ADD3: variants seen among roughly 807,000 people sequenced by gnomAD.
ADD3 encodes the protein gamma-adducin.
In ADD3, 25 loss-of-function variants were observed where a neutral mutation model predicts 80.2. That is an observed-to-expected ratio of 0.31 (90% CI 0.23 to 0.44). The LOEUF (loss-of-function observed/expected upper bound fraction) is 0.44, where lower values mean the gene tolerates loss of function less well. Among genes scored for constraint, ADD3 ranks in the 20% least tolerant of loss-of-function variants. The probability of loss-of-function intolerance (pLI) is 1.00; values close to 1 mark genes in which losing one functional copy is unlikely to be tolerated. For missense variants in ADD3, 829 were observed against 847.5 expected (o/e 0.98, Z 0.27); for synonymous variants, 284 against 289.6 (o/e 0.98, Z 0.20).
chr10:110,001,899 T>C (rs1851493404), upstream of ADD3, among the ~76,000 whole-genome samples: 3 of 152,374 alleles, frequency 2.0e-5, no homozygotes, highest in South Asian at 4.1e-4. Context: ...TGAAGGCATA[T>C]GACTATGTGA....
At chr10:110,040,927 TCG>T (rs1491075118) in intron 1 of ADD3, among the ~76,000 whole-genome samples, 2 of 134,108 alleles carry the variant, frequency 1.5e-5, no homozygotes, top group Admixed American at 8.2e-5. Context: ...TCTCTCTCTC[TCG>T]CTCTCTCTCT....
At position 110,045,353 on chromosome 10, in the gene ADD3, C is replaced by CAA. The variant is rs772764388; in HGVS notation, c.-30+37064_-30+37065dup. On this transcript the variant is annotated intron_variant, in intron 1 of 14. Transcript: ENST00000356080. ...TGGGTAACACAGCAAGACTCTGTCT[C>CAA]AAAAAAAAAAAGAGAAAGTACCTAT... Among the ~76,000 whole-genome samples, 390 of 142,066 alleles carry CAA rather than the reference C, an allele frequency of 2.7e-3. 1 individual carries two copies. Among genetic ancestry groups the CAA allele is most frequent in the Middle Eastern group, 0.011 (3 of 276 alleles). 93.2% of individuals were successfully genotyped at this position (142,066 alleles called of 152,430 possible). A position where few individuals can be genotyped will look rare whatever the true frequency, so the allele number is the denominator to read the frequency against.
At chr10:110,096,837 C>T (rs59911409) in intron 1 of ADD3, among the ~76,000 whole-genome samples, 13,616 of 152,094 alleles carry the variant, frequency 0.09, 1,993 homozygotes, top group African/African-American at 0.31. Context: ...TTCTTGAGGC[C>T]GTCTTTGAAA....
intron 1 of ADD3, among the ~76,000 whole-genome samples, chr10:110,041,527 C>T (rs778049447): frequency 1.1e-4 from 16 of 152,218 alleles, no homozygotes; most frequent in African/African-American, 2.2e-4. Flanking sequence ...ATCTGTAAAA[C>T]GAAAGGGTTG....
chr10:110,045,259 CAGA>C (rs1444391185), intron 1 of ADD3, among the ~76,000 whole-genome samples: 1 of 152,062 alleles, frequency 6.6e-6, no homozygotes, highest in East Asian at 1.9e-4. Flanking sequence ...GAGGCTAAGG[CAGA>C]AGAATTGCTT....
At chr10:110,028,878 T>G in intron 1 of ADD3, among the ~76,000 whole-genome samples, 1 of 150,048 alleles carries the variant, frequency 6.7e-6, no homozygotes, top group East Asian at 1.9e-4. Context: ...ATTCATCACT[T>G]TCCTTTTTTT....
At chr10:110,099,359 T>C (rs1185144591) in intron 1 of ADD3, among the ~76,000 whole-genome samples, 1 of 152,154 alleles carries the variant, frequency 6.6e-6, no homozygotes, top group Admixed American at 6.5e-5. Flanking sequence ...TACTCTCCTC[T>C]CTAGCATATA....
chr10:110,038,017 C>T (rs967346970), intron 1 of ADD3, among the ~76,000 whole-genome samples: 1 of 138,622 alleles, frequency 7.2e-6, no homozygotes, highest in African/African-American at 2.7e-5. Flanking sequence ...TGTGGTGAGC[C>T]GAAATGGTGC....
chr10:110,083,623 G>T (rs1846345565), intron 1 of ADD3, among the ~76,000 whole-genome samples: 1 of 152,152 alleles, frequency 6.6e-6, no homozygotes, highest in South Asian at 2.1e-4. Context: ...AATAGGGATG[G>T]ACTTTGAAGT....
At chr10:110,043,983 C>T (rs766476802) in intron 1 of ADD3, among the ~76,000 whole-genome samples, 6 of 151,908 alleles carry the variant, frequency 3.9e-5, no homozygotes, top group Non-Finnish European at 7.4e-5. Context: ...CTGAGGTGGG[C>T]GGATCACGAG....
chr10:110,047,544 A>T (rs564361916), intron 1 of ADD3, among the ~76,000 whole-genome samples: 1 of 152,224 alleles, frequency 6.6e-6, no homozygotes, highest in Non-Finnish European at 1.5e-5. Context: ...TAATTTTTTA[A>T]TGTATCCCTG....
intron 5 of ADD3, among the ~76,000 whole-genome samples, 172 bp from the exon 6 acceptor site, chr10:110,118,415 T>C (rs950205046): frequency 6.6e-6 from 1 of 152,244 alleles, no homozygotes; most frequent in African/African-American, 2.4e-5. Context: ...TGTTTATGGC[T>C]GCTTTTGTAC....
chr10:110,119,513 A>T lies in ADD3; in HGVS notation c.909A>T (p.Leu303Phe). 1 of 1,614,176 alleles carries T rather than the reference A, an allele frequency of 6.2e-7. No individual in the cohort carries two copies. Among genetic ancestry groups the T allele is most frequent in the African/African-American group, 1.3e-5 (1 of 75,074 alleles). The change falls in exon 8 of 15, where the codon TTA becomes TTT. Residue 303 changes from leucine to phenylalanine, a missense_variant. Physicochemically the swap from Leu to Phe is conservative, Grantham distance 22 (BLOSUM62 0). Coordinates refer to ENST00000356080, the MANE Select transcript of ADD3 (RefSeq NM_016824.5). ...NHGVVALGET[L>F]EEAFHYIFNV... ...GTGTGGTTGCACTTGGAGAAACATT[A>T]GAGGAGGCTTTTCATTATATTTTTA...
chr10:110,076,058 G>A (rs957021319), intron 1 of ADD3, among the ~76,000 whole-genome samples: 1 of 152,084 alleles, frequency 6.6e-6, no homozygotes, highest in African/African-American at 2.4e-5. Context: ...TATTTTCCTG[G>A]TGTTCTCTCA....
chr10:110,121,991 A>G lies in ADD3; in HGVS notation c.961-119A>G, dbSNP rs1027605988. On this transcript the variant is annotated intron_variant, in intron 8 of 14. Coordinates refer to ENST00000356080, the MANE Select transcript of ADD3 (RefSeq NM_016824.5). ...AGAGTGTCATCTTGTCTTTGTTGTT[A>G]GTAGCCTGAGCAAGTATTATAGATA... is the stretch of plus-strand genomic sequence containing the variant. 3.9e-6 allele frequency: 3 copies of G among 772,058 alleles called. No homozygotes were observed. In the African/African-American group the frequency reaches 5.3e-5, roughly 14 times the overall value. 47.8% of individuals were successfully genotyped at this position (772,058 alleles called of 1,614,324 possible).
In ADD3 at chr10:110,068,748, C is replaced by CA. The variant is rs1247203760; in HGVS notation, c.-29-31876dup. ...TGAATTCATTAGTATAAAGTACTTACAGCCCTTGCTTTATATAAAGTATAT... is the reference window on the plus strand; with the variant it reads ...TGAATTCATTAGTATAAAGTACTTACAAGCCCTTGCTTTATATAAAGTATAT... On this transcript the variant is annotated intron_variant, in intron 1 of 14. Coordinates refer to ENST00000356080, the MANE Select transcript of ADD3 (RefSeq NM_016824.5). Among the ~76,000 whole-genome samples the CA allele has an allele frequency of 3.3e-5, 5 of 152,294 alleles. No individual in the cohort carries two copies. The South Asian group carries it at 1.0e-3, about 32-fold the overall frequency.
intron 2 of ADD3, among the ~76,000 whole-genome samples, chr10:110,101,958 A>G (rs1848860527): frequency 6.6e-6 from 1 of 152,196 alleles, no homozygotes. Flanking sequence ...AGCCCTGGTA[A>G]ATCATTTTTG....
chr10:110,121,539 T>A (rs1851501379), intron 8 of ADD3, among the ~76,000 whole-genome samples: 1 of 152,110 alleles, frequency 6.6e-6, no homozygotes, highest in African/African-American at 2.4e-5. Flanking sequence ...GTAATAATCT[T>A]AATTTATTGG....
chr10:110,116,455 A>G (rs1850739737), intron 4 of ADD3, 45 bp downstream of exon 4: 2 of 1,599,188 alleles, frequency 1.3e-6, no homozygotes, highest in African/African-American at 1.3e-5. Flanking sequence ...AATTCCAGCT[A>G]GAAGGCAACT....
Sources: gnomAD v4.1 joint callset for allele counts (sites outside exome capture counted in the v4.1 genomes callset) on GRCh38, gnomAD v4.1.1 for gene constraint, MANE v1.5 for transcripts, NCBI Gene and HGNC (gene_info 2026-07-23, HGNC 2026-07-21) for gene names.